The following KCTD17 variants were observed in gnomAD, a reference collection of about 807,000 sequenced individuals.
The protein encoded by KCTD17 is BTB/POZ domain-containing protein KCTD17.
Under a neutral mutation model 41.5 loss-of-function variants are expected in KCTD17, and 20 were observed. The ratio of observed to expected loss-of-function variants is 0.48; its 90% CI spans 0.34 to 0.70. KCTD17 has a LOEUF of 0.70. Ranked by LOEUF, KCTD17 falls within the 30% of genes least tolerant of loss-of-function variation. KCTD17 has a pLI of 0.01. For missense variants in KCTD17, 317 were observed against 427.2 expected (o/e 0.74, Z 2.27); for synonymous variants, 156 against 173.8 (o/e 0.90, Z 0.80).
In KCTD17 at chr22:37,053,396, G is replaced by A. The variant is rs938161021; in HGVS notation, c.298+188G>A. Among the ~76,000 whole-genome samples, 1 of 152,352 alleles carries A rather than the reference G, an allele frequency of 6.6e-6. No homozygotes were observed. Among genetic ancestry groups the A allele is most frequent in the East Asian group, 1.9e-4 (1 of 5,182 alleles). On this transcript the variant is annotated intron_variant, in intron 2 of 8. Coordinates refer to ENST00000403888, the MANE Select transcript of KCTD17 (RefSeq NM_001282684.2). This position sits in a 1 kb window ranked among gnomAD's most constrained non-coding sequence, Gnocchi z 4.1. Reference sequence around the variant, plus strand: ...GAGCCTGGGGCTCTGCCAAGCGGACGGGCTCAAGCTTTCCCTGGGTACTGT... The same window carrying A: ...GAGCCTGGGGCTCTGCCAAGCGGACAGGCTCAAGCTTTCCCTGGGTACTGT...
Position 37,062,515 on chromosome 22 carries a change from T to C in KCTD17, c.876-10T>C. On this transcript the variant is annotated splice_polypyrimidine_tract_variant and intron_variant, in intron 8 of 8. Transcript: ENST00000403888. ...CCCATCCTCCTGCCCTTCCCCTCTT[T>C]TTTTTCTAGCTGTTACAAGCCAGAG... The C allele has an allele frequency of 1.2e-6, 2 of 1,612,052 alleles. No individual in the cohort carries two copies. Among genetic ancestry groups the C allele is most frequent in the Non-Finnish European group, 1.7e-6 (2 of 1,179,302 alleles).
rs930492147 is a variant in KCTD17 at position 37,060,844 on chromosome 22, G to A, written c.634G>A (p.Glu212Lys). ...ACAGAGCACGGAGGAGCAGCTGGAG[G>A]AGCAGCAGCAGCAGGAGGAGGAGGT... is the stretch of plus-strand genomic sequence containing the variant. ...KTKSTEEQLE[E>K]QQQQEEEVEE... The change falls in exon 6 of 9, where the codon GAG becomes AAG. Residue 212 changes from glutamate (E) to lysine (K), a missense_variant. Coordinates refer to ENST00000403888, the MANE Select transcript of KCTD17 (RefSeq NM_001282684.2). 1.3e-6 allele frequency: 2 copies of A among 1,521,458 alleles called. No homozygotes were observed. The highest frequency in any genetic ancestry group is 4.2e-5 in the Admixed American group (2 of 47,412). 94.2% of individuals were successfully genotyped at this position (1,521,458 alleles called of 1,614,324 possible).
intron 2 of KCTD17, among the ~76,000 whole-genome samples, chr22:37,054,653 C>T (rs1405079010): frequency 6.6e-6 from 1 of 152,120 alleles, no homozygotes; most frequent in African/African-American, 2.4e-5. Flanking sequence ...AATGGGGGAC[C>T]ATAGCACCCA....
In KCTD17 at chr22:37,061,054, C is replaced by T. The variant is rs767303668; in HGVS notation, c.713-50C>T. On this transcript the variant is annotated intron_variant, in intron 6 of 8. Coordinates refer to ENST00000403888, the MANE Select transcript of KCTD17 (RefSeq NM_001282684.2). The surrounding 1 kb of genome is among the most constrained non-coding windows in gnomAD (Gnocchi z 6.6). The stretch of plus-strand genomic sequence containing the variant: ...GCACCAGGGTTAGCTCAGCCACTTG[C>T]CTGGCGCCTCACCCGCATAACCATC... 6 of 1,551,350 alleles carry T rather than the reference C, an allele frequency of 3.9e-6. No individual in the cohort carries two copies. In the Admixed American group the frequency reaches 9.8e-5, roughly 25 times the overall value.
chr22:37,057,984 G>A (rs978304473), intron 4 of KCTD17, among the ~76,000 whole-genome samples: 14 of 152,266 alleles, frequency 9.2e-5, no homozygotes, highest in African/African-American at 3.4e-4. Flanking sequence ...GCCCAAAGCA[G>A]TGCCTTCCCA....
intron 8 of KCTD17, 122 bp from the exon 9 acceptor site, chr22:37,062,397 CCTCTCT>C: frequency 7.3e-7 from 1 of 1,362,320 alleles, no homozygotes; most frequent in Non-Finnish European, 9.6e-7. Context: ...GACTCAACTG[CCTCTCT>C]CTCTCTCCCT....
At chr22:37,056,512 C>T in intron 3 of KCTD17, 101 bp downstream of exon 3, 1 of 984,230 alleles carries the variant, frequency 1.0e-6, no homozygotes, top group Non-Finnish European at 1.5e-6. Flanking sequence ...AGAGACAGGA[C>T]CAGTGTTTGT....
In KCTD17 at chr22:37,061,734, A is replaced by C. The variant is rs1306734376; in HGVS notation, c.875+105A>C. 2.0e-6 allele frequency: 3 copies of C among 1,474,940 alleles called. No homozygotes were observed. The highest frequency in any genetic ancestry group is 2.6e-5 in the South Asian group (2 of 76,686). The allele number at this position is 1,474,940 out of a possible 1,614,324, so 91.4% of individuals were successfully genotyped here. A position where few individuals can be genotyped will look rare whatever the true frequency, so the allele number is the denominator to read the frequency against. ...TTTCGGCTGATTATCTCCACCCACC[A>C]AAGTTTCTCATCCGACCTTGGCCTT... On this transcript the variant is annotated intron_variant, in intron 8 of 8. Transcript: ENST00000403888. The surrounding 1 kb of genome is among the most constrained non-coding windows in gnomAD (Gnocchi z 6.6).
At chr22:37,052,945 C>T (rs1924665473) in intron 1 of KCTD17, 155 bp from the exon 2 acceptor site, 2 of 622,192 alleles carry the variant, frequency 3.2e-6, no homozygotes, top group African/African-American at 3.6e-5. Flanking sequence ...GGCTTGAACT[C>T]AGGTCCATCT....
intron 1 of KCTD17, 37 bp downstream of exon 1, chr22:37,051,986 G>A: frequency 7.2e-7 from 1 of 1,382,892 alleles, no homozygotes. Flanking sequence ...CGGGCGGTGG[G>A]TCCTCCGCTC....
In KCTD17 at chr22:37,061,025, G is replaced by T; in HGVS notation, c.713-79G>T. On this transcript the variant is annotated intron_variant, in intron 6 of 8. Transcript: ENST00000403888. This position sits in a 1 kb window ranked among gnomAD's most constrained non-coding sequence, Gnocchi z 6.6. Reference sequence around the variant, plus strand: ...GAACCGGGGGCCCCGGGGCTGCTGGGGGGGCACCAGGGTTAGCTCAGCCAC... The same window carrying T: ...GAACCGGGGGCCCCGGGGCTGCTGGTGGGGCACCAGGGTTAGCTCAGCCAC... 3.9e-6 allele frequency: 6 copies of T among 1,549,276 alleles called. No homozygotes were observed. Among genetic ancestry groups the T allele is most frequent in the East Asian group, 2.4e-5 (1 of 40,868 alleles).
In KCTD17 at chr22:37,062,737, T is replaced by TAAG; in HGVS notation, c.*144_*146dup. On this transcript the variant is annotated 3_prime_UTR_variant, in exon 9 of 9. Coordinates refer to ENST00000403888, the MANE Select transcript of KCTD17 (RefSeq NM_001282684.2). ...GGGGCGGGGCCCCCCTGGGACCTCT[T>TAAG]AAGGCCCAAGGTGGGCCCCAGGACC... 6.8e-7 allele frequency: 1 copy of TAAG among 1,471,258 alleles called. No individual in the cohort carries two copies. Among genetic ancestry groups the TAAG allele is most frequent in the Non-Finnish European group, 9.0e-7 (1 of 1,114,532 alleles). 91.1% of individuals were successfully genotyped at this position (1,471,258 alleles called of 1,614,324 possible).
Position 37,059,387 on chromosome 22 carries a change from G to A in KCTD17, c.561G>A (p.Glu187=). The part of the protein sequence containing the change: ...QAEFLCVVSK[E]LHSTPNGLSS... ...AGTTCCTGTGTGTGGTGTCCAAGGA[G>A]CTCCACAGCACCCCAAACGGGCTGA... is the stretch of plus-strand genomic sequence containing the variant. Residue 187 remains glutamate (E), a synonymous_variant, in exon 5 of 9, where the codon GAG becomes GAA. Coordinates refer to ENST00000403888, the MANE Select transcript of KCTD17 (RefSeq NM_001282684.2). 1 of 1,612,848 alleles carries A rather than the reference G, an allele frequency of 6.2e-7. No homozygotes were observed. The highest frequency in any genetic ancestry group is 8.5e-7 in the Non-Finnish European group (1 of 1,179,828).
rs899241929 is a variant in KCTD17, at chr22:37,051,756, C to A, written c.-5C>A. ...GGGAGGAGGATGCAGACGCCGCGGC[C>A]GGCGATGAGGATGGAGGCCGGGGAG... On this transcript the variant is annotated 5_prime_UTR_variant, in exon 1 of 9. Transcript: ENST00000403888. The A allele has an allele frequency of 1.8e-5, 22 of 1,221,510 alleles. No homozygotes were observed. In the South Asian group the frequency reaches 5.5e-4, roughly 31 times the overall value. 75.7% of individuals were successfully genotyped at this position (1,221,510 alleles called of 1,614,324 possible). A position where few individuals can be genotyped will look rare whatever the true frequency, so the allele number is the denominator to read the frequency against.
chr22:37,056,282 CAGA>C, intron 2 of KCTD17, 35 bp from the exon 3 acceptor site: 3 of 1,570,734 alleles, frequency 1.9e-6, no homozygotes, highest in Non-Finnish European at 2.6e-6. Context: ...GGCATGGAGG[CAGA>C]AGGAGTGACC....
intron 2 of KCTD17, among the ~76,000 whole-genome samples, chr22:37,055,810 C>A (rs1925038244): frequency 6.6e-6 from 1 of 152,136 alleles, no homozygotes; most frequent in Non-Finnish European, 1.5e-5. Context: ...CTGGCACTTA[C>A]CAGCTGTGTG....
Position 37,059,447 on chromosome 22 carries a change from A to G in KCTD17, c.612+9A>G. On this transcript the variant is annotated intron_variant, in intron 5 of 8. Coordinates refer to ENST00000403888, the MANE Select transcript of KCTD17 (RefSeq NM_001282684.2). ...CCAGCCGCAAAACCAAGGTGAGCCC[A>G]CCCGCCTCAGCCTGTGTCCGGAGAA... The G allele has an allele frequency of 6.3e-7, 1 of 1,593,936 alleles. No homozygotes were observed. Among genetic ancestry groups the G allele is most frequent in the Non-Finnish European group, 8.5e-7 (1 of 1,173,334 alleles).
chr22:37,056,376 G>A lies in KCTD17; in HGVS notation c.355G>A (p.Asp119Asn). The A allele has an allele frequency of 6.2e-7, 1 of 1,613,774 alleles. No individual in the cohort carries two copies. Among genetic ancestry groups the A allele is most frequent in the Non-Finnish European group, 8.5e-7 (1 of 1,179,784 alleles). ...NIGPLIRIIKDRMEEKDYTVT... is the reference protein window; with the variant it reads ...NIGPLIRIIKNRMEEKDYTVT... ...CGGCCCGCTGATCCGCATCATCAAA[G>A]ACCGGATGGAAGAGAAGGACTACAC... Residue 119 changes from aspartate (D) to asparagine (N), a missense_variant, in exon 3 of 9, where the codon GAC (aspartate) becomes AAC (asparagine). Transcript: ENST00000403888.
intron 2 of KCTD17, among the ~76,000 whole-genome samples, chr22:37,054,163 A>C (rs1244926371): frequency 6.6e-6 from 1 of 152,176 alleles, no homozygotes; most frequent in Non-Finnish European, 1.5e-5. Context: ...ACAACACCAG[A>C]GTCCACTGTA....
Sources: gnomAD v4.1 joint callset for allele counts (sites outside exome capture counted in the v4.1 genomes callset) on GRCh38, gnomAD v4.1.1 for gene constraint, Gnocchi (gnomAD v3.1) non-coding constraint, MANE v1.5 for transcripts, NCBI Gene and HGNC (gene_info 2026-07-23, HGNC 2026-07-21) for gene names.